Variants in TNR observed in about 807,000 individuals in gnomAD.
TNR encodes tenascin R.
Under a neutral mutation model 150.4 loss-of-function variants are expected in TNR, and 45 were observed. The ratio of observed to expected loss-of-function variants is 0.30; its 90% CI spans 0.24 to 0.38. The LOEUF (loss-of-function observed/expected upper bound fraction) is 0.38. TNR is among the 10% of genes least tolerant of loss of function. TNR has a pLI of 1.00. For missense variants in TNR, 1,544 were observed against 1,759.1 expected, an observed-to-expected ratio of 0.88 and a Z score of 2.19; for synonymous variants, 687 against 678.4, an observed-to-expected ratio of 1.01 and a Z score of -0.20.
intron 1 of TNR, among the ~76,000 whole-genome samples, chr1:175,696,661 C>G (rs750044631): frequency 2.0e-5 from 3 of 152,108 alleles, no homozygotes; most frequent in Non-Finnish European, 4.4e-5. Flanking sequence ...AGGCAGATCA[C>G]CTGTGGTCGG....
chr1:175,623,432 C>G (rs2101866631), intron 1 of TNR, among the ~76,000 whole-genome samples: 1 of 152,312 alleles, frequency 6.6e-6, no homozygotes, highest in East Asian at 1.9e-4. Context: ...AGCCCTCTTG[C>G]TCTGGGCATC....
At chr1:175,722,696 C>T (rs562482858) in intron 1 of TNR, among the ~76,000 whole-genome samples, 18 of 152,102 alleles carry the variant, frequency 1.2e-4, no homozygotes, top group Non-Finnish European at 2.5e-4. Flanking sequence ...AACTCCTGAG[C>T]TCAAGCAATT....
At chr1:175,650,297 C>T (rs773841442) in intron 1 of TNR, among the ~76,000 whole-genome samples, 1 of 152,068 alleles carries the variant, frequency 6.6e-6, no homozygotes, top group Non-Finnish European at 1.5e-5. Flanking sequence ...GCACGAGCAT[C>T]TCTTGAACCC....
chr1:175,547,826 G>T (rs1446355692), intron 1 of TNR, among the ~76,000 whole-genome samples: 1 of 152,178 alleles, frequency 6.6e-6, no homozygotes. Context: ...GGTGTATGGG[G>T]CACAGCAGCT....
chr1:175,442,170 TC>T (rs1276400050), intron 2 of TNR, among the ~76,000 whole-genome samples: 1 of 152,196 alleles, frequency 6.6e-6, no homozygotes, highest in Non-Finnish European at 1.5e-5. Context: ...CTCATTGACC[TC>T]CTTTTTTTAA....
chr1:175,330,337 G>A, intron 20 of TNR, 102 bp from the exon 21 acceptor site: 1 of 1,306,668 alleles, frequency 7.7e-7, no homozygotes, highest in Non-Finnish European at 1.0e-6. Flanking sequence ...CAGGGAAGAG[G>A]AGGGGACTCC....
intron 2 of TNR, among the ~76,000 whole-genome samples, chr1:175,457,917 T>C (rs760893487): frequency 1.3e-5 from 2 of 152,356 alleles, no homozygotes; most frequent in African/African-American, 2.4e-5. Flanking sequence ...GCCATGCAAC[T>C]GGCAAACGCC....
chr1:175,581,675 T>C (rs1014989895), intron 1 of TNR, among the ~76,000 whole-genome samples: 1 of 152,216 alleles, frequency 6.6e-6, no homozygotes, highest in Non-Finnish European at 1.5e-5. Flanking sequence ...GGGGCATTTT[T>C]TTCTTACCTT....
intron 1 of TNR, among the ~76,000 whole-genome samples, chr1:175,635,141 A>C (rs565937316): frequency 6.6e-6 from 1 of 152,346 alleles, no homozygotes; most frequent in African/African-American, 2.4e-5. Flanking sequence ...AGCTAAAGCC[A>C]TGTGTGAGGG....
At chr1:175,328,859 T>G (rs1411671494) in intron 21 of TNR, among the ~76,000 whole-genome samples, 1 of 152,236 alleles carries the variant, frequency 6.6e-6, no homozygotes, top group Non-Finnish European at 1.5e-5. Flanking sequence ...CTTCTTTTCC[T>G]GTAGGAGAAA....
Position 175,406,483 on chromosome 1 carries a change from G to A in TNR, c.232C>T (p.Leu78Phe). 1.2e-6 allele frequency: 2 copies of A among 1,614,210 alleles called. No individual in the cohort carries two copies. The highest frequency in any genetic ancestry group is 1.7e-6 in the Non-Finnish European group (2 of 1,180,036). The change falls in exon 3 of 23, where the codon CTC becomes TTC. Residue 78 changes from leucine (L) to phenylalanine (F), a missense_variant. Transcript: ENST00000367674. ...GAGGCCTCTAGCCCTGAGGAGCAGAGGTTGTCCAAGGGCACGTTAATGTTG... is the reference window on the plus strand; with the variant it reads ...GAGGCCTCTAGCCCTGAGGAGCAGAAGTTGTCCAAGGGCACGTTAATGTTG... Reference protein sequence around the residue: ...VYNINVPLDNLCSSGLEASAE... With the variant: ...VYNINVPLDNFCSSGLEASAE...
chr1:175,712,042 A>G (rs1378878728), intron 1 of TNR, among the ~76,000 whole-genome samples: 3 of 152,160 alleles, frequency 2.0e-5, no homozygotes, highest in East Asian at 1.9e-4. Flanking sequence ...CTATAATAAC[A>G]ATAATAAAAA....
rs541160810 is a variant in TNR, at chr1:175,580,086, G to A, written c.-164-51717C>T. 2.0e-4 allele frequency among the ~76,000 whole-genome samples: 30 copies of A among 152,244 alleles called. No homozygotes were observed. In the East Asian group the frequency reaches 2.1e-3, roughly 11 times the overall value. On this transcript the variant is annotated intron_variant, in intron 1 of 22. Transcript: ENST00000367674. ...TACCTGACATCTAGACATTTGATTC[G>A]GGGAGGCAGCTGCTGGGGAGAAAAG...
intron 1 of TNR, among the ~76,000 whole-genome samples, chr1:175,729,510 C>T (rs1373587882): frequency 6.6e-6 from 1 of 152,046 alleles, no homozygotes; most frequent in Non-Finnish European, 1.5e-5. Flanking sequence ...CTCACTGCAA[C>T]GTCGAACTTC....
At chr1:175,663,888 A>G (rs1013707572) in intron 1 of TNR, among the ~76,000 whole-genome samples, 3 of 152,254 alleles carry the variant, frequency 2.0e-5, no homozygotes, top group African/African-American at 7.2e-5. Context: ...TCACTCTTCC[A>G]TGTGAACTCA....
At chr1:175,337,422 A>T (rs1650301975) in intron 19 of TNR, 106 bp downstream of exon 19, 3 of 1,388,258 alleles carry the variant, frequency 2.2e-6, no homozygotes, top group Non-Finnish European at 3.0e-6. Context: ...GGGGGGTGAT[A>T]AAAGGATGGC....
intron 15 of TNR, among the ~76,000 whole-genome samples, chr1:175,356,748 A>T (rs1651349593): frequency 6.6e-6 from 1 of 151,980 alleles, no homozygotes; most frequent in Non-Finnish European, 1.5e-5. Flanking sequence ...TGTGTACATG[A>T]CCCCTTCCTC....
At chr1:175,665,379 C>A (rs1665506095) in intron 1 of TNR, among the ~76,000 whole-genome samples, 1 of 152,166 alleles carries the variant, frequency 6.6e-6, no homozygotes, top group Admixed American at 6.5e-5. Flanking sequence ...CAGGTGGTGA[C>A]CTCAGGACTG....
chr1:175,548,378 C>G (rs1210028373), intron 1 of TNR, among the ~76,000 whole-genome samples: 3 of 152,074 alleles, frequency 2.0e-5, no homozygotes, highest in Non-Finnish European at 4.4e-5. Context: ...TATCTAGTAG[C>G]TGCACGAGGA....
Sources: allele counts gnomAD v4.1 joint callset (sites outside exome capture counted in the v4.1 genomes callset), GRCh38; gene constraint gnomAD v4.1.1; transcripts MANE v1.5; gene names NCBI Gene and HGNC (gene_info 2026-07-23, HGNC 2026-07-21).